KSR2: variants seen among roughly 807,000 people sequenced by gnomAD.
The protein encoded by KSR2 is kinase suppressor of ras 2.
In KSR2, 25 loss-of-function variants were observed where a neutral mutation model predicts 107.8. That is an observed-to-expected ratio of 0.23 (90% CI 0.17 to 0.32). The LOEUF (loss-of-function observed/expected upper bound fraction) is 0.32. Among genes scored for constraint, KSR2 ranks in the 10% least tolerant of loss-of-function variants. The pLI, the probability that KSR2 is intolerant of heterozygous loss-of-function variation, is 1.00. For missense variants in KSR2, 887 were observed against 1,268.9 expected (o/e 0.70, Z 4.57); for synonymous variants, 480 against 507.0 (o/e 0.95, Z 0.71).
intron 1 of KSR2, chr12:117,891,028 A>G (rs1328715299): frequency 2.0e-5 from 3 of 152,238 alleles, no homozygotes; most frequent in African/African-American, 7.2e-5. Context: ...TCAATGGCAG[A>G]ATAAAGGCAG....
chr12:117,948,575 C>T (rs1225516458), intron 1 of KSR2, among the ~76,000 whole-genome samples: 3 of 151,564 alleles, frequency 2.0e-5, no homozygotes, highest in Non-Finnish European at 4.4e-5. Flanking sequence ...ATCAGTGGGA[C>T]AGGATAGAGT....
chr12:117,568,748 T>A (rs1878694538), intron 7 of KSR2, among the ~76,000 whole-genome samples: 1 of 152,124 alleles, frequency 6.6e-6, no homozygotes, highest in Non-Finnish European at 1.5e-5. Context: ...CATTATCACA[T>A]CTAATCCCAC....
chr12:117,826,700 A>T (rs1424082295), intron 3 of KSR2, among the ~76,000 whole-genome samples: 1 of 93,510 alleles, frequency 1.1e-5, no homozygotes, highest in Non-Finnish European at 2.0e-5. Context: ...AAAAATATAC[A>T]CACATGCACA....
chr12:117,803,013 T>C (rs1015251470), intron 3 of KSR2, among the ~76,000 whole-genome samples: 2 of 152,260 alleles, frequency 1.3e-5, no homozygotes, highest in Non-Finnish European at 2.9e-5. Context: ...TTGTCATTAC[T>C]GGATGTTTAC....
chr12:117,912,236 T>C (rs370704096), intron 1 of KSR2, among the ~76,000 whole-genome samples: 4 of 152,204 alleles, frequency 2.6e-5, no homozygotes, highest in South Asian at 2.1e-4. Context: ...TAAGCAATGA[T>C]TGGTAACAGC....
At chr12:117,482,187 G>A (rs1470489529) in intron 16 of KSR2, among the ~76,000 whole-genome samples, 2 of 151,876 alleles carry the variant, frequency 1.3e-5, no homozygotes, top group South Asian at 2.1e-4. Context: ...GCATGAAGAG[G>A]GAAAAGCAGG....
At chr12:117,560,652 T>C (rs2137358826) in intron 7 of KSR2, among the ~76,000 whole-genome samples, 1 of 152,374 alleles carries the variant, frequency 6.6e-6, no homozygotes, top group East Asian at 1.9e-4. Context: ...TGAATACTTG[T>C]CCCTTCCAAA....
In KSR2 at chr12:117,857,101, C is replaced by T. The variant is rs189010689; in HGVS notation, c.322-1523G>A. Among the ~76,000 whole-genome samples the T allele has an allele frequency of 1.2e-4, 18 of 152,222 alleles. No homozygotes were observed. In the East Asian group the frequency reaches 3.5e-3, roughly 29 times the overall value. ...TAGAGACAGGGTCTCCCTCTGTCAC[C>T]AGGCTGGGGTGCAGTGAGGCCATCA... On this transcript the variant is annotated intron_variant, in intron 2 of 19. Coordinates refer to ENST00000339824, the MANE Select transcript of KSR2 (RefSeq NM_173598.6).
chr12:117,497,298 T>C (rs1873088013), intron 14 of KSR2, among the ~76,000 whole-genome samples: 1 of 152,070 alleles, frequency 6.6e-6, no homozygotes, highest in African/African-American at 2.4e-5. Flanking sequence ...TAATTGCAAG[T>C]TATAATTAGG....
At chr12:117,916,727 A>G (rs561859778) in intron 1 of KSR2, among the ~76,000 whole-genome samples, 15 of 152,316 alleles carry the variant, frequency 9.8e-5, no homozygotes, top group African/African-American at 3.6e-4. Context: ...CTAAGCCACG[A>G]AAGACACATA....
chr12:117,875,911 G>A (rs1251951053), intron 1 of KSR2, among the ~76,000 whole-genome samples: 1 of 152,142 alleles, frequency 6.6e-6, no homozygotes, highest in Non-Finnish European at 1.5e-5. Flanking sequence ...CACGGGCTTT[G>A]CCTGTCATTT....
intron 1 of KSR2, among the ~76,000 whole-genome samples, chr12:117,937,971 G>GAAAA (rs771959105): frequency 1.9e-5 from 1 of 53,870 alleles, no homozygotes. Context: ...TCTGTCTCAA[G>GAAAA]AAAAAAAAAA....
chr12:117,669,920 G>A (rs542560443), intron 4 of KSR2, among the ~76,000 whole-genome samples: 27 of 151,174 alleles, frequency 1.8e-4, no homozygotes, highest in Non-Finnish European at 3.7e-4. Context: ...AGAAAGTGAG[G>A]GGCTTAGCAA....
chr12:117,694,728 AT>A lies in KSR2; in HGVS notation c.987-27071del, dbSNP rs1397254890. Among the ~76,000 whole-genome samples the A allele has an allele frequency of 5.3e-5, 8 of 152,154 alleles. No homozygotes were observed. In the South Asian group the frequency reaches 1.4e-3, roughly 28 times the overall value. On this transcript the variant is annotated intron_variant, in intron 4 of 19. Transcript: ENST00000339824. Reference sequence around the variant, plus strand: ...ATGTGGTCTATCCACACAATGAAATATTATCCAGCCTTAGACAAAAAAGGAA... The same window carrying A: ...ATGTGGTCTATCCACACAATGAAATATATCCAGCCTTAGACAAAAAAGGAA...
At chr12:117,624,748 A>G (rs1882379414) in intron 5 of KSR2, among the ~76,000 whole-genome samples, 1 of 152,156 alleles carries the variant, frequency 6.6e-6, no homozygotes, top group South Asian at 2.1e-4. Context: ...CAATTCTGTG[A>G]AGAAAGTCAT....
chr12:117,475,386 A>G lies in KSR2; in HGVS notation c.2582+1078T>C, dbSNP rs544099055. 1.1e-4 allele frequency among the ~76,000 whole-genome samples: 16 copies of G among 151,196 alleles called. No individual in the cohort carries two copies. In the East Asian group the frequency reaches 2.7e-3, roughly 26 times the overall value. ...ATCCATCAGCTCCCTTTCCTCCCCC[A>G]ACCCTTCTATATATTATTCCATGTG... On this transcript the variant is annotated intron_variant, in intron 17 of 19. Coordinates refer to ENST00000339824, the MANE Select transcript of KSR2 (RefSeq NM_173598.6).
chr12:117,927,021 T>A (rs1895538161), intron 1 of KSR2, among the ~76,000 whole-genome samples: 1 of 152,146 alleles, frequency 6.6e-6, no homozygotes. Flanking sequence ...TGGCACCCAA[T>A]CACAACACTG....
chr12:117,713,081 TATAG>T (rs1351495120), intron 4 of KSR2, among the ~76,000 whole-genome samples: 2 of 149,650 alleles, frequency 1.3e-5, no homozygotes, highest in Non-Finnish European at 3.0e-5. Context: ...ATAGATAGAT[TATAG>T]ATATAGATAG....
At chr12:117,789,946 T>C (rs1405727023) in intron 3 of KSR2, among the ~76,000 whole-genome samples, 1 of 152,098 alleles carries the variant, frequency 6.6e-6, no homozygotes, top group African/African-American at 2.4e-5. Context: ...TGGGAGGAGA[T>C]GACGTTTTTG....
Sources: gnomAD v4.1 joint callset for allele counts (sites outside exome capture counted in the v4.1 genomes callset) on GRCh38, gnomAD v4.1.1 for gene constraint, MANE v1.5 for transcripts, NCBI Gene and HGNC (gene_info 2026-07-23, HGNC 2026-07-21) for gene names.